IDH2: variants seen among roughly 807,000 people sequenced by gnomAD.
The protein encoded by IDH2 is isocitrate dehydrogenase (NADP(+)) 2, also known as isocitrate dehydrogenase [NADP], mitochondrial.
In IDH2, 18 loss-of-function variants were observed where a neutral mutation model predicts 50.5. The observed-to-expected ratio is 0.36, with a 90% CI of 0.25 to 0.53. The LOEUF is 0.53. Among genes scored for constraint, IDH2 ranks in the 20% least tolerant of loss-of-function variants. The pLI is 0.92. For missense variants in IDH2, 518 were observed against 610.7 expected (o/e 0.85, Z 1.60); for synonymous variants, 280 against 239.8 (o/e 1.17, Z -1.55).
chr15:90,098,900 A>C lies in IDH2; in HGVS notation c.115+3376T>G, dbSNP rs1285330528. ...CATCCTTCATTCCTTCCCTTCTCTC[A>C]CATCCAAACCACCAAAACCAGAAGC... On this transcript the variant is annotated intron_variant, in intron 1 of 10. Transcript: ENST00000330062. This position sits in a 1 kb window ranked among gnomAD's most constrained non-coding sequence, Gnocchi z 5.1. Among the ~76,000 whole-genome samples the C allele has an allele frequency of 1.3e-5, 2 of 151,990 alleles. No homozygotes were observed. The highest frequency in any genetic ancestry group is 2.9e-5 in the Non-Finnish European group (2 of 68,000).
In IDH2 at chr15:90,084,736, C is replaced by G; in HGVS notation, c.1271+80G>C. On this transcript the variant is annotated intron_variant, in intron 10 of 10. Coordinates refer to ENST00000330062, the MANE Select transcript of IDH2 (RefSeq NM_002168.4). The surrounding 1 kb of genome is among the most constrained non-coding windows in gnomAD (Gnocchi z 5.0). ...AGGCCCCCTTGCAGCTAAGCTGACTCATGAGGGGGACTTTAGGAGGGGTCC... is the reference window on the plus strand; with the variant it reads ...AGGCCCCCTTGCAGCTAAGCTGACTGATGAGGGGGACTTTAGGAGGGGTCC... 3 of 1,158,696 alleles carry G rather than the reference C, an allele frequency of 2.6e-6. No homozygotes were observed. Among genetic ancestry groups the G allele is most frequent in the Non-Finnish European group, 3.9e-6 (3 of 774,516 alleles). 71.8% of individuals were successfully genotyped at this position (1,158,696 alleles called of 1,614,324 possible). A position where few individuals can be genotyped will look rare whatever the true frequency, so the allele number is the denominator to read the frequency against.
chr15:90,084,278 C>T lies in IDH2; in HGVS notation c.1347G>A (p.Leu449=), dbSNP rs2151546174. ...DTIKSNLDRA[L]GRQ is the part of the protein sequence containing the mutation. Reference sequence around the variant, plus strand: ...GTGGCGCCTCCCCCTACTGCCTGCCCAGGGCTCTGTCCAGGTTGCTCTTGA... The same window carrying T: ...GTGGCGCCTCCCCCTACTGCCTGCCTAGGGCTCTGTCCAGGTTGCTCTTGA... Residue 449 remains leucine, a synonymous_variant, in exon 11 of 11, where the codon CTG becomes CTA. Coordinates refer to ENST00000330062, the MANE Select transcript of IDH2 (RefSeq NM_002168.4). The surrounding 1 kb of genome is among the most constrained non-coding windows in gnomAD (Gnocchi z 5.0). 6.2e-7 allele frequency: 1 copy of T among 1,614,010 alleles called. No homozygotes were observed. Among genetic ancestry groups the T allele is most frequent in the Non-Finnish European group, 8.5e-7 (1 of 1,179,996 alleles).
chr15:90,094,378 A>C (rs903757702), intron 1 of IDH2, among the ~76,000 whole-genome samples: 2 of 152,230 alleles, frequency 1.3e-5, no homozygotes, highest in Non-Finnish European at 2.9e-5. Context: ...GCCTGGGAAG[A>C]AGCAGCAAAT....
chr15:90,089,662 G>A (rs1320263910), intron 3 of IDH2, among the ~76,000 whole-genome samples: 2 of 152,206 alleles, frequency 1.3e-5, no homozygotes, highest in African/African-American at 2.4e-5. Flanking sequence ...GATGTATCTC[G>A]AGTACTTTCC....
At chr15:90,092,537 C>G (rs938309187) in intron 1 of IDH2, among the ~76,000 whole-genome samples, 1 of 152,150 alleles carries the variant, frequency 6.6e-6, no homozygotes. Context: ...TCCCAAGTAG[C>G]TGGGACTACA....
intron 2 of IDH2, 118 bp from the exon 3 acceptor site, chr15:90,090,762 G>T: frequency 9.5e-7 from 1 of 1,050,408 alleles, no homozygotes; most frequent in Non-Finnish European, 1.5e-6. Context: ...ACAGGGATGA[G>T]TGAAGGCCAG....
chr15:90,101,100 C>T (rs1338824699), intron 1 of IDH2, among the ~76,000 whole-genome samples: 1 of 152,016 alleles, frequency 6.6e-6, no homozygotes, highest in Non-Finnish European at 1.5e-5. Flanking sequence ...AGGTAGATTC[C>T]CAGAGGTACA....
intron 1 of IDH2, among the ~76,000 whole-genome samples, chr15:90,092,620 G>C (rs543720397): frequency 1.5e-4 from 23 of 151,748 alleles, no homozygotes; most frequent in African/African-American, 5.6e-4. Context: ...TTGTCCCCCA[G>C]GGTGGGAGTG....
intron 3 of IDH2, 30 bp downstream of exon 3, chr15:90,090,449 C>A: frequency 6.2e-7 from 1 of 1,611,238 alleles, no homozygotes; most frequent in South Asian, 1.1e-5. Flanking sequence ...TGTGACCCTC[C>A]CTGGCCCGCC....
Position 90,087,209 on chromosome 15 carries a change from A to C in IDH2, c.870T>G (p.Ile290Met), listed in dbSNP as rs1477497919. Residue 290 changes from isoleucine (I) to methionine (M), a missense_variant, in exon 7 of 11, where the codon ATT (isoleucine) becomes ATG (methionine). Around this residue, in one of 5 missense-constraint regions of IDH2, gnomAD observed 23 missense variants for 57.9 expected, o/e 0.40. Coordinates refer to ENST00000330062, the MANE Select transcript of IDH2 (RefSeq NM_002168.4). ...TGAGGACCTGAGCCACCATGTCATCAATGAGCCGGTGCTCATACCAGATCT... is the reference window on the plus strand; with the variant it reads ...TGAGGACCTGAGCCACCATGTCATCCATGAGCCGGTGCTCATACCAGATCT... Reference protein sequence around the residue: ...KNKIWYEHRLIDDMVAQVLKS... With the variant: ...KNKIWYEHRLMDDMVAQVLKS... 1.2e-6 allele frequency: 2 copies of C among 1,614,112 alleles called. No individual in the cohort carries two copies. Among genetic ancestry groups the C allele is most frequent in the East Asian group, 4.5e-5 (2 of 44,874 alleles).
At position 90,083,372 on chromosome 15, in the gene IDH2, A is replaced by T. The variant is rs903281542; in HGVS notation, c.*894T>A. The T allele has an allele frequency of 6.6e-6, 1 of 152,068 alleles. No individual in the cohort carries two copies. Among genetic ancestry groups the T allele is most frequent in the Admixed American group, 6.6e-5 (1 of 15,266 alleles). The allele number at this position is 152,068 out of a possible 1,614,324, so 9.4% of individuals were successfully genotyped here. A position where few individuals can be genotyped will look rare whatever the true frequency, so the allele number is the denominator to read the frequency against. ...GGTCTCGAACTCCTGGCCTCAAGTG[A>T]TCCACCCACCTCAGCCTCCCAAAGT... On this transcript the variant is annotated 3_prime_UTR_variant, in exon 11 of 11. Transcript: ENST00000330062.
At position 90,085,333 on chromosome 15, in the gene IDH2, G is replaced by A. The variant is rs1036260002; in HGVS notation, c.1022C>T (p.Thr341Met). The A allele has an allele frequency of 5.8e-6, 9 of 1,553,962 alleles. No homozygotes were observed. Among genetic ancestry groups the A allele is most frequent in the Middle Eastern group, 1.7e-4 (1 of 5,896 alleles). ...CCCATGAGCGGCCTCAGCCTCAATC[G>A]TCTTCCCATCAGGGCAGACCAGGAC... ...TSVLVCPDGK[T>M]IEAEAAHGTV... The change falls in exon 8 of 11, where the codon ACG becomes ATG. Residue 341 changes from threonine to methionine, a missense_variant. Physicochemically the swap from Thr to Met is moderately conservative, Grantham distance 81. Transcript: ENST00000330062. This position sits in a 1 kb window ranked among gnomAD's most constrained non-coding sequence, Gnocchi z 5.5.
chr15:90,094,152 T>A (rs1901121467), intron 1 of IDH2, among the ~76,000 whole-genome samples: 1 of 151,988 alleles, frequency 6.6e-6, no homozygotes. Context: ...TGATCAGAGG[T>A]CCAGGGAGAC....
chr15:90,091,701 C>G, intron 1 of IDH2, 57 bp from the exon 2 acceptor site: 1 of 1,448,576 alleles, frequency 6.9e-7, no homozygotes, highest in Non-Finnish European at 9.7e-7. Flanking sequence ...GGGGGGCCCT[C>G]TCCTCCCAGC....
chr15:90,096,487 G>C (rs1263907248), intron 1 of IDH2, among the ~76,000 whole-genome samples: 2 of 151,918 alleles, frequency 1.3e-5, no homozygotes, highest in East Asian at 3.9e-4. Context: ...GCTACTATCA[G>C]GAAAAGAAAA....
At chr15:90,096,463 C>G (rs189136112) in intron 1 of IDH2, among the ~76,000 whole-genome samples, 1 of 152,180 alleles carries the variant, frequency 6.6e-6, no homozygotes, top group Admixed American at 6.5e-5. Flanking sequence ...TATCCCCTCA[C>G]AACCACTAAG....
Position 90,084,872 on chromosome 15 carries a change from C to T in IDH2, c.1215G>A (p.Thr405=), listed in dbSNP as rs751193065. 27 of 1,613,970 alleles carry T rather than the reference C, an allele frequency of 1.7e-5. No homozygotes were observed. Among genetic ancestry groups the T allele is most frequent in the Admixed American group, 3.3e-5 (2 of 60,000 alleles). ...AQMLEKVCVE[T]VESGAMTKDL... Reference sequence around the variant, plus strand: ...CCTTGGTCATGGCTCCACTCTCCACCGTCTCCACGCACACCTTCTCCAGCA... The same window carrying T: ...CCTTGGTCATGGCTCCACTCTCCACTGTCTCCACGCACACCTTCTCCAGCA... The change falls in exon 10 of 11, where the codon ACG becomes ACA. Residue 405 remains threonine (T), a synonymous_variant. Coordinates refer to ENST00000330062, the MANE Select transcript of IDH2 (RefSeq NM_002168.4). The surrounding 1 kb of genome is among the most constrained non-coding windows in gnomAD (Gnocchi z 5.0).
chr15:90,093,119 A>G (rs1901087250), intron 1 of IDH2, among the ~76,000 whole-genome samples: 1 of 152,208 alleles, frequency 6.6e-6, no homozygotes, highest in Non-Finnish European at 1.5e-5. Flanking sequence ...TCCAGCACCA[A>G]ATCAGTAAGA....
chr15:90,098,534 G>GCA lies in IDH2; in HGVS notation c.115+3741_115+3742insTG, dbSNP rs1901244086. Among the ~76,000 whole-genome samples the GCA allele has an allele frequency of 6.7e-6, 1 of 149,546 alleles. No individual in the cohort carries two copies. Among genetic ancestry groups the GCA allele is most frequent in the Non-Finnish European group, 1.5e-5 (1 of 67,732 alleles). On this transcript the variant is annotated intron_variant, in intron 1 of 10. Transcript: ENST00000330062. This position sits in a 1 kb window ranked among gnomAD's most constrained non-coding sequence, Gnocchi z 5.1. ...TGTATGTATGTATGTATGCATGCATGTATGTATGTATGTATGTATGTATGT... is the reference window on the plus strand; with the variant it reads ...TGTATGTATGTATGTATGCATGCATGCATATGTATGTATGTATGTATGTATGT...
Sources: allele counts gnomAD v4.1 joint callset (sites outside exome capture counted in the v4.1 genomes callset), GRCh38; gene constraint gnomAD v4.1.1; regional missense constraint gnomAD v4.1.1; non-coding constraint Gnocchi (gnomAD v3.1); transcripts MANE v1.5; gene names NCBI Gene and HGNC (gene_info 2026-07-23, HGNC 2026-07-21).